Variants in ENTREP1 observed in about 807,000 individuals in gnomAD.
The protein encoded by ENTREP1 is Friedreich ataxia region gene X123.
chr9:69,325,637 T>C, the ENTREP1 span: 1 of 1,231,316 alleles, frequency 8.1e-7, no homozygotes, highest in Non-Finnish European at 1.0e-6. Flanking sequence ...CTTGGGCTGC[T>C]GCATGGTGGC....
chr9:69,383,450 T>G, the ENTREP1 span: 1 of 1,476,432 alleles, frequency 6.8e-7, no homozygotes, highest in African/African-American at 1.4e-5. Flanking sequence ...CTTAAGGAAC[T>G]CTGGCCACTT....
At chr9:69,366,385 G>GTTT in the ENTREP1 span, among the ~76,000 whole-genome samples, 18 of 139,574 alleles carry the variant, frequency 1.3e-4, no homozygotes, top group Admixed American at 2.2e-4. Context: ...TCCAACTGGG[G>GTTT]TTTTTTTTTT....
the ENTREP1 span, among the ~76,000 whole-genome samples, chr9:69,346,679 C>G: frequency 6.6e-6 from 1 of 151,980 alleles, no homozygotes; most frequent in Non-Finnish European, 1.5e-5. Context: ...CAATGAAAAC[C>G]GCTAATGGCA....
At chr9:69,344,620 G>T in the ENTREP1 span, among the ~76,000 whole-genome samples, 4 of 152,174 alleles carry the variant, frequency 2.6e-5, no homozygotes, top group South Asian at 6.2e-4. Flanking sequence ...CTGAGGCCAC[G>T]TGCTTATGTT....
the ENTREP1 span, chr9:69,329,588 A>G: frequency 1.0e-6 from 1 of 985,218 alleles, no homozygotes; most frequent in Non-Finnish European, 1.2e-6. Flanking sequence ...CACTCTGAGC[A>G]TTTGATTTCT....
the ENTREP1 span, among the ~76,000 whole-genome samples, chr9:69,328,519 C>G: frequency 2.6e-5 from 4 of 152,204 alleles, no homozygotes; most frequent in Non-Finnish European, 5.9e-5. Flanking sequence ...GCTGCTCCCC[C>G]TTCCTAACAC....
the ENTREP1 span, among the ~76,000 whole-genome samples, chr9:69,365,076 T>C: frequency 2.6e-5 from 4 of 152,224 alleles, no homozygotes; most frequent in African/African-American, 9.6e-5. Flanking sequence ...TAGGATTTTC[T>C]TTTTAAAAAT....
At chr9:69,371,755 G>T in the ENTREP1 span, 1 of 635,436 alleles carries the variant, frequency 1.6e-6, no homozygotes, top group Admixed American at 2.8e-5. Flanking sequence ...ACAAAACAAA[G>T]AGCTGCCTGC....
At chr9:69,391,213 CTGTAGCAATTT>C in the ENTREP1 span, among the ~76,000 whole-genome samples, 1 of 152,200 alleles carries the variant, frequency 6.6e-6, no homozygotes, top group Non-Finnish European at 1.5e-5. Flanking sequence ...TATGGGAATT[CTGTAGCAATTT>C]GCTGAGAATT....
At chr9:69,333,121 CAT>C in the ENTREP1 span, among the ~76,000 whole-genome samples, 1 of 151,630 alleles carries the variant, frequency 6.6e-6, no homozygotes, top group Non-Finnish European at 1.5e-5. Context: ...TATATATACA[CAT>C]AGACATGTGT....
chr9:69,367,044 G>A, the ENTREP1 span, among the ~76,000 whole-genome samples: 2 of 151,042 alleles, frequency 1.3e-5, no homozygotes, highest in Non-Finnish European at 2.9e-5. Flanking sequence ...AGCCTCCCAA[G>A]TAGCTGGGAA....
chr9:69,333,209 G>T, the ENTREP1 span, among the ~76,000 whole-genome samples: 1 of 152,072 alleles, frequency 6.6e-6, no homozygotes, highest in Admixed American at 6.6e-5. Context: ...CATGGAGGAG[G>T]GTGGGGTGAT....
chr9:69,347,041 C>T, the ENTREP1 span, among the ~76,000 whole-genome samples: 11 of 152,306 alleles, frequency 7.2e-5, no homozygotes, highest in South Asian at 1.2e-3. Context: ...GATTGGAGCA[C>T]CCTGTGGCCT....
the ENTREP1 span, chr9:69,336,202 T>C: frequency 6.7e-7 from 1 of 1,485,808 alleles, no homozygotes; most frequent in Non-Finnish European, 9.2e-7. Flanking sequence ...TATGATAGTT[T>C]ATCCTTACAG....
chr9:69,360,878 A>G, the ENTREP1 span, among the ~76,000 whole-genome samples: 1 of 143,634 alleles, frequency 7.0e-6, no homozygotes, highest in African/African-American at 2.6e-5. Flanking sequence ...ACACATTTAA[A>G]AAATCTTGCA....
At chr9:69,363,065 A>G in the ENTREP1 span, among the ~76,000 whole-genome samples, 10 of 152,326 alleles carry the variant, frequency 6.6e-5, no homozygotes, top group African/African-American at 2.2e-4. Flanking sequence ...CTATGAGAGC[A>G]CTAGCTCTTT....
At chr9:69,336,397 TATTAGAAGTCAG>T in the ENTREP1 span, 1 of 580,032 alleles carries the variant, frequency 1.7e-6, no homozygotes, top group Non-Finnish European at 3.0e-6. Flanking sequence ...CAATAGATAA[TATTAGAAGTCAG>T]ATGATCATAA....
the ENTREP1 span, among the ~76,000 whole-genome samples, chr9:69,330,517 C>T: frequency 6.6e-6 from 1 of 152,078 alleles, no homozygotes; most frequent in African/African-American, 2.4e-5. Flanking sequence ...CATTGGTGAA[C>T]TTTAGGGTGA....
At chr9:69,348,749 A>G in the ENTREP1 span, among the ~76,000 whole-genome samples, 1 of 152,204 alleles carries the variant, frequency 6.6e-6, no homozygotes. Flanking sequence ...TTTTTAGCTT[A>G]ATATTTTTAA....
Sources: allele counts gnomAD v4.1 joint callset (sites outside exome capture counted in the v4.1 genomes callset), GRCh38; gene constraint gnomAD v4.1.1; transcripts MANE v1.5; gene names NCBI Gene and HGNC (gene_info 2026-07-23, HGNC 2026-07-21).